PCDHA4: variants seen among roughly 807,000 people sequenced by gnomAD.
The protein encoded by PCDHA4 is protocadherin alpha 4, also known as protocadherin alpha-4.
A neutral mutation model predicts 61.4 loss-of-function variants in PCDHA4; 49 were observed. The ratio of observed to expected loss-of-function variants is 0.80; its 90% CI spans 0.63 to 1.01. The LOEUF (loss-of-function observed/expected upper bound fraction) is 1.01. PCDHA4 is among the 50% of genes least tolerant of loss of function. The pLI, the probability that PCDHA4 is intolerant of heterozygous loss-of-function variation, is 0.00. For missense variants in PCDHA4, 1,254 were observed against 1,235.8 expected (o/e 1.01, Z -0.22); for synonymous variants, 590 against 550.3 (o/e 1.07, Z -1.01).
chr5:140,934,239 T>C (rs2089722399), intron 1 of PCDHA4, among the ~76,000 whole-genome samples: 1 of 152,146 alleles, frequency 6.6e-6, no homozygotes, highest in Non-Finnish European at 1.5e-5. Context: ...TACTTAATTG[T>C]GGAGATTTAT....
intron 3 of PCDHA4, among the ~76,000 whole-genome samples, chr5:140,999,423 C>G (rs1159862736): frequency 6.6e-6 from 1 of 152,100 alleles, no homozygotes; most frequent in Non-Finnish European, 1.5e-5. Context: ...AGCTAAGAGG[C>G]CAAGTACCTT....
intron 1 of PCDHA4, among the ~76,000 whole-genome samples, chr5:140,963,173 G>C (rs2095742129): frequency 6.6e-6 from 1 of 151,942 alleles, no homozygotes; most frequent in Non-Finnish European, 1.5e-5. Flanking sequence ...CCATCTTACA[G>C]ATATGCTGTA....
chr5:140,813,106 A>T (rs1554126121), intron 1 of PCDHA4: 1 of 152,152 alleles, frequency 6.6e-6, no homozygotes, highest in Admixed American at 6.5e-5. Flanking sequence ...AGAAGACTGT[A>T]TATTTGCTGC....
intron 1 of PCDHA4, chr5:140,869,070 A>G (rs1554162449): frequency 6.4e-7 from 1 of 1,572,828 alleles, no homozygotes; most frequent in Non-Finnish European, 8.6e-7. Flanking sequence ...TGTAAGTGTA[A>G]AGAAGCTTAT....
At chr5:140,859,461 A>G (rs1394799940) in intron 1 of PCDHA4, 1 of 216,144 alleles carries the variant, frequency 4.6e-6, no homozygotes, top group Non-Finnish European at 9.0e-6. Flanking sequence ...TGACAAAACT[A>G]CACTATCAAT....
intron 1 of PCDHA4, chr5:140,883,274 C>T (rs1554177451): frequency 1.9e-6 from 3 of 1,613,998 alleles, no homozygotes; most frequent in South Asian, 2.2e-5. Flanking sequence ...TCATTGTACC[C>T]TTTTGGTGGA....
intron 1 of PCDHA4, among the ~76,000 whole-genome samples, chr5:140,893,912 G>A (rs1254345100): frequency 6.6e-6 from 1 of 152,124 alleles, no homozygotes; most frequent in Non-Finnish European, 1.5e-5. Flanking sequence ...TGAATTTGTG[G>A]TCTTTTTCAG....
At chr5:140,857,218 T>C (rs2044426953) in intron 1 of PCDHA4, 1 of 1,598,352 alleles carries the variant, frequency 6.3e-7, no homozygotes, top group African/African-American at 1.3e-5. Context: ...CTCTGACGCC[T>C]CACGTTCCGT....
intron 1 of PCDHA4, chr5:140,857,829 G>A: frequency 1.9e-6 from 3 of 1,597,788 alleles, no homozygotes; most frequent in Non-Finnish European, 2.6e-6. Context: ...GCTAAGGTGC[G>A]CGCAGTGGAC....
intron 1 of PCDHA4, among the ~76,000 whole-genome samples, chr5:140,973,587 C>T (rs2096594455): frequency 6.6e-6 from 1 of 152,194 alleles, no homozygotes; most frequent in African/African-American, 2.4e-5. Flanking sequence ...ACTGCTGAGC[C>T]AGATGGAATT....
Position 140,843,085 on chromosome 5 carries a change from C to T in PCDHA4, c.2385+33513C>T, listed in dbSNP as rs2150352201. 8.1e-6 allele frequency: 13 copies of T among 1,595,414 alleles called. 1 individual carries two copies. In the African/African-American group the frequency reaches 1.1e-4, roughly 13 times the overall value. ...TGGTGCCGCGGTCTGTGGGCGCGGGCCACGTGGTAGCGAAGGTGCGCGCAG... is the reference window on the plus strand; with the variant it reads ...TGGTGCCGCGGTCTGTGGGCGCGGGTCACGTGGTAGCGAAGGTGCGCGCAG... On this transcript the variant is annotated intron_variant, in intron 1 of 3. Coordinates refer to ENST00000530339, the MANE Select transcript of PCDHA4 (RefSeq NM_018907.4).
chr5:140,981,981 A>G (rs2096960839), intron 2 of PCDHA4, among the ~76,000 whole-genome samples: 1 of 152,208 alleles, frequency 6.6e-6, no homozygotes, highest in Non-Finnish European at 1.5e-5. Flanking sequence ...GAAAGAGTAA[A>G]ATAGAAAATA....
intron 3 of PCDHA4, among the ~76,000 whole-genome samples, chr5:140,986,050 T>G (rs1221001446): frequency 6.6e-6 from 1 of 152,226 alleles, no homozygotes; most frequent in Non-Finnish European, 1.5e-5. Flanking sequence ...CACTGATGAA[T>G]TCTTTTGCTT....
chr5:140,875,987 TA>T (rs1165213326), intron 1 of PCDHA4: 1 of 1,613,914 alleles, frequency 6.2e-7, no homozygotes, highest in East Asian at 2.2e-5. Context: ...ACCTATGCGT[TA>T]AGTCTAAATG....
intron 1 of PCDHA4, chr5:140,869,566 G>A (rs782325882): frequency 1.9e-6 from 3 of 1,614,178 alleles, no homozygotes; most frequent in East Asian, 4.5e-5. Flanking sequence ...TTTTCCACTA[G>A]AGGGAGCTTC....
chr5:140,952,582 G>A (rs552541968), intron 1 of PCDHA4, among the ~76,000 whole-genome samples: 4 of 152,220 alleles, frequency 2.6e-5, no homozygotes, highest in East Asian at 3.9e-4. Context: ...AATCATTCAA[G>A]TAGTCTCTAG....
At chr5:140,834,957 C>T in intron 1 of PCDHA4, 2 of 1,532,930 alleles carry the variant, frequency 1.3e-6, no homozygotes, top group Non-Finnish European at 1.8e-6. Flanking sequence ...GGTAAAACCT[C>T]TTGGACTTGT....
intron 1 of PCDHA4, chr5:140,828,079 A>C: frequency 6.3e-7 from 1 of 1,579,036 alleles, no homozygotes; most frequent in Non-Finnish European, 8.6e-7. Context: ...AAATAAAACC[A>C]GAGGTATTTG....
intron 1 of PCDHA4, chr5:140,848,451 T>A (rs1450153960): frequency 1.3e-6 from 2 of 1,519,288 alleles, no homozygotes; most frequent in Non-Finnish European, 1.8e-6. Context: ...TTTCTTCTAA[T>A]TTGGAGGCAA....
Sources: gnomAD v4.1 joint callset for allele counts (sites outside exome capture counted in the v4.1 genomes callset) on GRCh38, gnomAD v4.1.1 for gene constraint, MANE v1.5 for transcripts, NCBI Gene and HGNC (gene_info 2026-07-23, HGNC 2026-07-21) for gene names.